CFAP46: variants seen among roughly 807,000 people sequenced by gnomAD.
The protein encoded by CFAP46 is cilia- and flagella-associated protein 46.
In CFAP46, 245 loss-of-function variants were observed where a neutral mutation model predicts 325.7. The ratio of observed to expected loss-of-function variants is 0.75; its 90% CI spans 0.68 to 0.84. CFAP46 has a LOEUF of 0.84. Ranked by LOEUF, CFAP46 falls within the 40% of genes least tolerant of loss-of-function variation. The pLI, the probability that CFAP46 is intolerant of heterozygous loss-of-function variation, is 0.00. For synonymous variants in CFAP46, 1,523 were observed against 1,495.9 expected (o/e 1.02, Z -0.42); for missense variants, 3,346 against 3,543.0 (o/e 0.94, Z 1.41).
rs1039457472 is a variant in CFAP46 at position 132,827,086 on chromosome 10, C to T, written c.7117+6272G>A. Among the ~76,000 whole-genome samples the T allele has an allele frequency of 3.3e-5, 5 of 152,160 alleles. No individual in the cohort carries two copies. Among genetic ancestry groups the T allele is most frequent in the Admixed American group, 1.3e-4 (2 of 15,286 alleles). On this transcript the variant is annotated intron_variant, in intron 50 of 57. Coordinates refer to ENST00000368586, the MANE Select transcript of CFAP46 (RefSeq NM_001200049.3). The surrounding 1 kb of genome is among the most constrained non-coding windows in gnomAD (Gnocchi z 5.7). ...TGTCTGTGCCAACCGACTCCAGCTC[C>T]GGGCTCCCTGCCTCTCCACCCGGCA...
Position 132,814,686 on chromosome 10 carries a change from A to G in CFAP46, c.7249T>C (p.Phe2417Leu), listed in dbSNP as rs1188570117. ...CIIVDSDNFK[F>L]VVDPYEEAQG... is the part of the protein sequence containing the mutation. Reference sequence around the variant, plus strand: ...CCCCCCGGGGCCCATCAAAGGATACACTTGAAGTTGTCTGAGTCGACTATG... The same window carrying G: ...CCCCCCGGGGCCCATCAAAGGATACGCTTGAAGTTGTCTGAGTCGACTATG... The change falls in exon 52 of 58, where the codon TTC becomes CTC. Residue 2417 changes from phenylalanine to leucine, a missense_variant and splice_region_variant. Phe to Leu is a conservative substitution (Grantham distance 22, BLOSUM62 0). Coordinates refer to ENST00000368586, the MANE Select transcript of CFAP46 (RefSeq NM_001200049.3). The G allele has an allele frequency of 3.1e-6, 5 of 1,602,444 alleles. No homozygotes were observed. The South Asian group carries it at 5.6e-5, about 18-fold the overall frequency.
intron 39 of CFAP46, among the ~76,000 whole-genome samples, chr10:132,855,688 T>C (rs563550388): frequency 2.0e-5 from 3 of 152,346 alleles, no homozygotes; most frequent in Admixed American, 1.3e-4. Flanking sequence ...TACATCTGTA[T>C]TCTGGTATTT....
chr10:132,876,677 G>T lies in CFAP46; in HGVS notation c.4362+135C>A. On this transcript the variant is annotated intron_variant, in intron 31 of 57. Transcript: ENST00000368586. The surrounding 1 kb of genome is among the most constrained non-coding windows in gnomAD (Gnocchi z 4.1). ...GTGGTGCTGGGAGGGCCTGTGGGAG[G>T]CTGGGGGCTGATGGGACTCTGTCCT... 2.3e-6 allele frequency: 2 copies of T among 886,210 alleles called. No individual in the cohort carries two copies. The highest frequency in any genetic ancestry group is 3.4e-6 in the Non-Finnish European group (2 of 595,380). 54.9% of individuals were successfully genotyped at this position (886,210 alleles called of 1,614,324 possible).
At chr10:132,813,687 G>A (rs11146528) in intron 54 of CFAP46, among the ~76,000 whole-genome samples, 34,506 of 113,358 alleles carry the variant, frequency 0.3, 5,714 homozygotes, top group East Asian at 0.52. Context: ...CTGCAGCCCC[G>A]CCCCTGCACA....
chr10:132,864,222 C>T lies in CFAP46; in HGVS notation c.4890+1803G>A, dbSNP rs555282632. 2.5e-3 allele frequency among the ~76,000 whole-genome samples: 342 copies of T among 135,466 alleles called. 3 individuals are homozygous for T. Among genetic ancestry groups the T allele is most frequent in the Non-Finnish European group, 4.1e-3 (263 of 63,466 alleles). 88.9% of individuals were successfully genotyped at this position (135,466 alleles called of 152,430 possible). A position where few individuals can be genotyped will look rare whatever the true frequency, so the allele number is the denominator to read the frequency against. On this transcript the variant is annotated intron_variant, in intron 35 of 57. Coordinates refer to ENST00000368586, the MANE Select transcript of CFAP46 (RefSeq NM_001200049.3). ...GTCCCCCGCCTGAGACCTGCACACACCTGTCCCCCTGACACCTGCACACAC... is the reference window on the plus strand; with the variant it reads ...GTCCCCCGCCTGAGACCTGCACACATCTGTCCCCCTGACACCTGCACACAC...
chr10:132,835,893 C>G (rs903184441), intron 46 of CFAP46, among the ~76,000 whole-genome samples: 2 of 132,048 alleles, frequency 1.5e-5, no homozygotes, highest in African/African-American at 5.8e-5. Flanking sequence ...TCCCCCTTCC[C>G]CATGCTCCCG....
chr10:132,856,935 G>T (rs530021003), intron 39 of CFAP46, among the ~76,000 whole-genome samples: 1 of 152,336 alleles, frequency 6.6e-6, no homozygotes, highest in East Asian at 1.9e-4. Flanking sequence ...AAAGGAAATA[G>T]CTGGGTCCTT....
rs759983602 is a variant in CFAP46, at chr10:132,808,909, G to A, written c.7665-5C>T. 5.7e-6 allele frequency: 9 copies of A among 1,570,378 alleles called. No individual in the cohort carries two copies. Among genetic ancestry groups the A allele is most frequent in the Non-Finnish European group, 7.8e-6 (9 of 1,153,068 alleles). On this transcript the variant is annotated splice_polypyrimidine_tract_variant and splice_region_variant and intron_variant, in intron 57 of 57. Transcript: ENST00000368586. This position sits in a 1 kb window ranked among gnomAD's most constrained non-coding sequence, Gnocchi z 6.8. ...TCAAGGTCTGAGAAGCCTCGTCTGT[G>A]GAGAAAGGGGCGGGAGCTATGAACC...
chr10:132,893,283 A>C (rs1250263013), intron 24 of CFAP46, among the ~76,000 whole-genome samples: 1 of 152,248 alleles, frequency 6.6e-6, no homozygotes, highest in East Asian at 1.9e-4. Flanking sequence ...TCTGGGGAGA[A>C]ATCATGCAAT....
Position 132,864,552 on chromosome 10 carries a change from GTGCCTGAGACCTGCAAACATCTGTCCCCC to G in CFAP46, c.4890+1444_4890+1472del, listed in dbSNP as rs1564783723. ...TGAGACCTGCACACACCTGCCCTCA[GTGCCTGAGACCTGCAAACATCTGTCCCCC>G]TGCCTGAGACCTGCACACACCTGCC... On this transcript the variant is annotated intron_variant, in intron 35 of 57. Transcript: ENST00000368586. Among the ~76,000 whole-genome samples, 99 of 100,044 alleles carry G rather than the reference GTGCCTGAGACCTGCAAACATCTGTCCCCC, an allele frequency of 9.9e-4. 2 individuals are homozygous for G. Among genetic ancestry groups the G allele is most frequent in the Non-Finnish European group, 1.2e-3 (64 of 53,212 alleles). 65.6% of individuals were successfully genotyped at this position (100,044 alleles called of 152,430 possible).
At chr10:132,891,025 T>C (rs1309088579) in intron 25 of CFAP46, among the ~76,000 whole-genome samples, 2 of 152,192 alleles carry the variant, frequency 1.3e-5, no homozygotes, top group Non-Finnish European at 2.9e-5. Context: ...TCTAATATGG[T>C]TCTATTGTTC....
At chr10:132,908,227 G>A (rs1313807632) in intron 22 of CFAP46, 1 of 550,182 alleles carries the variant, frequency 1.8e-6, no homozygotes, top group Non-Finnish European at 3.3e-6. Context: ...GAGACCTGGT[G>A]GAGTGCTCAC....
At position 132,885,946 on chromosome 10, in the gene CFAP46, G is replaced by A; in HGVS notation, c.3318C>T (p.Asp1106=). 6.5e-7 allele frequency: 1 copy of A among 1,550,044 alleles called. No homozygotes were observed. The highest frequency in any genetic ancestry group is 8.7e-7 in the Non-Finnish European group (1 of 1,146,678). Residue 1106 remains aspartate, a synonymous_variant, in exon 26 of 58, where the codon GAC becomes GAT. Transcript: ENST00000368586. ...CGTAGAGCGCAGCACGGAGCGCCAG[G>A]TCGTCCTCAGCCCCTGGGAGGGAGA... ...EGYFLPGAED[D]LALRAALYGL...
At chr10:132,842,699 T>A (rs1213715402) in intron 44 of CFAP46, among the ~76,000 whole-genome samples, 2 of 152,236 alleles carry the variant, frequency 1.3e-5, no homozygotes, top group African/African-American at 2.4e-5. Context: ...AGGAAATTAT[T>A]TCTTACAGTT....
intron 39 of CFAP46, among the ~76,000 whole-genome samples, chr10:132,855,646 T>G (rs1357433006): frequency 6.6e-6 from 1 of 152,250 alleles, no homozygotes; most frequent in South Asian, 2.1e-4. Context: ...TGTTATGATT[T>G]CCATTTATCT....
chr10:132,887,249 C>A (rs1358924422), intron 25 of CFAP46, among the ~76,000 whole-genome samples: 1 of 118,494 alleles, frequency 8.4e-6, no homozygotes, highest in Non-Finnish European at 1.7e-5. Flanking sequence ...TCTTCTCTCT[C>A]CTCTCTCGCT....
chr10:132,937,030 A>T lies in CFAP46; in HGVS notation c.686T>A (p.Leu229His). 2.0e-6 allele frequency: 3 copies of T among 1,535,172 alleles called. No individual in the cohort carries two copies. In the South Asian group the frequency reaches 3.9e-5, roughly 20 times the overall value. Residue 229 changes from leucine (L) to histidine (H), a missense_variant, in exon 7 of 58, where the codon CTT becomes CAT. By Grantham distance (99) the Leu-to-His change is moderately conservative. Transcript: ENST00000368586. ...ATTTTTCTTTTCTTCCTTTAACTGA[A>T]GTTCGTCCATTAATTCATGACGAAC... is the stretch of plus-strand genomic sequence containing the variant. ...VMVRHELMDE[L>H]QLKEEKKNSI...
intron 33 of CFAP46, among the ~76,000 whole-genome samples, chr10:132,867,847 A>G (rs974621920): frequency 9.2e-5 from 14 of 151,920 alleles, no homozygotes; most frequent in Non-Finnish European, 1.9e-4. Flanking sequence ...GGAACCAACT[A>G]CAGGTCCCTG....
intron 50 of CFAP46, among the ~76,000 whole-genome samples, chr10:132,822,232 GA>G (rs1470084851): frequency 3.0e-5 from 4 of 134,194 alleles, no homozygotes; most frequent in Admixed American, 1.4e-4. Flanking sequence ...TGTGTGCGGT[GA>G]TGTGTGCTGT....
Sources: allele counts gnomAD v4.1 joint callset (sites outside exome capture counted in the v4.1 genomes callset), GRCh38; gene constraint gnomAD v4.1.1; non-coding constraint Gnocchi (gnomAD v3.1); transcripts MANE v1.5; gene names NCBI Gene and HGNC (gene_info 2026-07-23, HGNC 2026-07-21).